NEK9: variants seen among roughly 807,000 people sequenced by gnomAD.
The protein encoded by NEK9 is NIMA related kinase 9, also known as serine/threonine-protein kinase Nek9.
In NEK9, 75 loss-of-function variants were observed where a neutral mutation model predicts 123.4. The observed-to-expected ratio is 0.61, with a 90% CI of 0.50 to 0.74. The LOEUF (loss-of-function observed/expected upper bound fraction) is 0.74, where lower values mean the gene tolerates loss of function less well. Among genes scored for constraint, NEK9 ranks in the 30% least tolerant of loss-of-function variants. The pLI is 0.00. For synonymous variants in NEK9, 438 were observed against 458.7 expected (o/e 0.95, Z 0.58); for missense variants, 952 against 1,214.4 (o/e 0.78, Z 3.21).
Position 75,106,557 on chromosome 14 carries a change from A to G in NEK9, c.1473T>C (p.His491=), listed in dbSNP as rs1162963814. 1 of 1,614,022 alleles carries G rather than the reference A, an allele frequency of 6.2e-7. No homozygotes were observed. Among genetic ancestry groups the G allele is most frequent in the East Asian group, 2.2e-5 (1 of 44,860 alleles). ...PVEQVSCGDN[H]VVVLTRNKEV... ...CCTTGTTTCGTGTCAGAACCACCAC[A>G]TGATTATCTCCACAGGAGACCTGCT... The change falls in exon 12 of 22, where the codon CAT becomes CAC. Residue 491 remains histidine, a synonymous_variant. Transcript: ENST00000238616.
intron 5 of NEK9, among the ~76,000 whole-genome samples, chr14:75,117,990 T>C (rs1432718268): frequency 6.6e-6 from 1 of 152,238 alleles, no homozygotes; most frequent in Non-Finnish European, 1.5e-5. Context: ...ATGGCTTTTA[T>C]AAATTTTCAT....
In NEK9 at chr14:75,097,273, A is replaced by T. The variant is rs752894467; in HGVS notation, c.2003-3T>A. Reference sequence around the variant, plus strand: ...GCCCCAGGCAAAAATGTGATTATCTAGGAAAAAAGTTAAACAGTAGACCAT... The same window carrying T: ...GCCCCAGGCAAAAATGTGATTATCTTGGAAAAAAGTTAAACAGTAGACCAT... On this transcript the variant is annotated splice_polypyrimidine_tract_variant and splice_region_variant and intron_variant, in intron 16 of 21. Transcript: ENST00000238616. 1.3e-6 allele frequency: 2 copies of T among 1,593,698 alleles called. No homozygotes were observed. The highest frequency in any genetic ancestry group is 2.2e-5 in the South Asian group (2 of 89,436).
intron 19 of NEK9, 48 bp downstream of exon 19, chr14:75,091,222 G>C (rs1894203768): frequency 4.7e-6 from 7 of 1,504,164 alleles, no homozygotes; most frequent in Non-Finnish European, 6.3e-6. Flanking sequence ...TCTAGTTCCT[G>C]CAAAGGGCCA....
intron 20 of NEK9, among the ~76,000 whole-genome samples, 157 bp downstream of exon 20, chr14:75,088,323 G>A (rs757827636): frequency 5.3e-5 from 8 of 152,324 alleles, no homozygotes; most frequent in Admixed American, 3.9e-4. Flanking sequence ...ACTCAGTTTA[G>A]TCTTGGGTTG....
At chr14:75,114,363 T>C in intron 6 of NEK9, 50 bp from the exon 7 acceptor site, 1 of 1,380,990 alleles carries the variant, frequency 7.2e-7, no homozygotes, top group East Asian at 2.3e-5. Context: ...AAGATGATGC[T>C]ATACTCTACT....
intron 7 of NEK9, 109 bp from the exon 8 acceptor site, chr14:75,113,512 C>A: frequency 1.3e-6 from 1 of 769,418 alleles, no homozygotes; most frequent in South Asian, 1.7e-5. Context: ...TTTTAAAAAT[C>A]ATTTCTTATG....
Position 75,079,699 on chromosome 14 carries a change from TG to T in NEK9, c.*4864del, listed in dbSNP as rs1209404670. The T allele has an allele frequency of 6.6e-6, 1 of 152,180 alleles. No individual in the cohort carries two copies. The highest frequency in any genetic ancestry group is 1.9e-4 in the East Asian group (1 of 5,192). The allele number at this position is 152,180 out of a possible 1,614,324, so 9.4% of individuals were successfully genotyped here. ...GAAAAACTGGAAGTTCTGGAAACAC[TG>T]GGCCAGCAACCCGCATGGCACAAAT... On this transcript the variant is annotated 3_prime_UTR_variant, in exon 22 of 22. Coordinates refer to ENST00000238616, the MANE Select transcript of NEK9 (RefSeq NM_033116.6).
At chr14:75,104,932 C>G (rs1894720685) in intron 13 of NEK9, among the ~76,000 whole-genome samples, 1 of 152,198 alleles carries the variant, frequency 6.6e-6, no homozygotes, top group South Asian at 2.1e-4. Flanking sequence ...GAGAAAGAAG[C>G]TTCAATTCAT....
intron 5 of NEK9, among the ~76,000 whole-genome samples, chr14:75,117,918 G>A (rs1895194883): frequency 6.6e-6 from 1 of 152,170 alleles, no homozygotes; most frequent in African/African-American, 2.4e-5. Context: ...TGCCCTAGCA[G>A]CTCTAATAAA....
chr14:75,091,243 C>G, intron 19 of NEK9, 27 bp downstream of exon 19: 2 of 1,583,884 alleles, frequency 1.3e-6, no homozygotes, highest in African/African-American at 1.4e-5. Flanking sequence ...CATATTTTAT[C>G]CAAGTTACTT....
intron 18 of NEK9, 62 bp from the exon 19 acceptor site, chr14:75,091,540 T>G: frequency 7.3e-7 from 1 of 1,370,934 alleles, no homozygotes; most frequent in Non-Finnish European, 9.6e-7. Flanking sequence ...ATTTACCATT[T>G]GACAACCCTA....
intron 18 of NEK9, among the ~76,000 whole-genome samples, chr14:75,093,130 G>A (rs563725358): frequency 1.4e-4 from 21 of 152,296 alleles, no homozygotes; most frequent in Non-Finnish European, 2.5e-4. Flanking sequence ...CTAGCCATAT[G>A]TGCCCGCTTA....
rs1364151906 is a variant in NEK9 at position 75,083,008 on chromosome 14, G to A, written c.*1556C>T. The stretch of plus-strand genomic sequence containing the variant: ...ACCAAAGAAGATCCCATTGAACAGA[G>A]TTGCCTGTCCCGAGCAATGGGGTTC... On this transcript the variant is annotated 3_prime_UTR_variant, in exon 22 of 22. Coordinates refer to ENST00000238616, the MANE Select transcript of NEK9 (RefSeq NM_033116.6). 2.5e-6 allele frequency: 1 copy of A among 398,522 alleles called. No individual in the cohort carries two copies. Among genetic ancestry groups the A allele is most frequent in the Non-Finnish European group, 4.4e-6 (1 of 226,074 alleles). The allele number at this position is 398,522 out of a possible 1,614,324, so 24.7% of individuals were successfully genotyped here.
At position 75,110,305 on chromosome 14, in the gene NEK9, G is replaced by C; in HGVS notation, c.989+16C>G. The C allele has an allele frequency of 6.3e-7, 1 of 1,598,810 alleles. No individual in the cohort carries two copies. ...ATTTCGGATATATTAGTTTTTAAGA[G>C]TCTCTTGAACATTACCTTGGTCTCT... On this transcript the variant is annotated intron_variant, in intron 9 of 21. Transcript: ENST00000238616.
intron 6 of NEK9, among the ~76,000 whole-genome samples, chr14:75,115,706 C>G (rs1451477297): frequency 6.6e-6 from 1 of 152,138 alleles, no homozygotes; most frequent in Non-Finnish European, 1.5e-5. Flanking sequence ...ACTTTAGCCC[C>G]TCAGTGTGCT....
At chr14:75,118,724 G>A in intron 5 of NEK9, 106 bp downstream of exon 5, 1 of 701,918 alleles carries the variant, frequency 1.4e-6, no homozygotes, top group Non-Finnish European at 2.4e-6. Flanking sequence ...TAAAAGTATG[G>A]AGAACTTGCA....
At chr14:75,107,141 T>A (rs371978444) in intron 11 of NEK9, among the ~76,000 whole-genome samples, 1 of 152,062 alleles carries the variant, frequency 6.6e-6, no homozygotes, top group African/African-American at 2.4e-5. Flanking sequence ...TCTTCTCTGT[T>A]ACCCACCTGT....
intron 1 of NEK9, among the ~76,000 whole-genome samples, chr14:75,125,633 G>A (rs1895497494): frequency 6.6e-6 from 1 of 152,140 alleles, no homozygotes; most frequent in Non-Finnish European, 1.5e-5. Flanking sequence ...CATTTTGAGT[G>A]CAAAAAAGAA....
chr14:75,107,382 G>T lies in NEK9; in HGVS notation c.1288C>A (p.Gln430Lys), dbSNP rs1184577603. ...VEKLQGKAIR[Q>K]VSCGDDFTVC... Reference sequence around the variant, plus strand: ...GTGAAATCATCACCACATGACACCTGACGGATAGCTTTGCCTTGCAACTTT... The same window carrying T: ...GTGAAATCATCACCACATGACACCTTACGGATAGCTTTGCCTTGCAACTTT... Residue 430 changes from glutamine (Q) to lysine (K), a missense_variant, in exon 11 of 22, where the codon CAG (glutamine) becomes AAG (lysine). Physicochemically the swap from Gln to Lys is moderately conservative, Grantham distance 53. Around this residue, in one of 4 missense-constraint regions of NEK9, gnomAD observed 698 missense variants for 875.6 expected, o/e 0.80. Coordinates refer to ENST00000238616, the MANE Select transcript of NEK9 (RefSeq NM_033116.6). The T allele has an allele frequency of 1.2e-6, 2 of 1,613,960 alleles. No homozygotes were observed. The highest frequency in any genetic ancestry group is 3.3e-5 in the Admixed American group (2 of 60,000).
Sources: gnomAD v4.1 joint callset for allele counts (sites outside exome capture counted in the v4.1 genomes callset) on GRCh38, gnomAD v4.1.1 for gene constraint, gnomAD v4.1.1 regional missense constraint, MANE v1.5 for transcripts, NCBI Gene and HGNC (gene_info 2026-07-23, HGNC 2026-07-21) for gene names.